Variants in RFX8 observed in about 807,000 individuals in gnomAD.
The protein encoded by RFX8 is regulatory factor X8.
A neutral mutation model predicts 54.6 loss-of-function variants in RFX8; 46 were observed. The observed-to-expected ratio is 0.84, with a 90% CI of 0.67 to 1.08. The LOEUF (loss-of-function observed/expected upper bound fraction) is 1.08. Among genes scored for constraint, RFX8 ranks in the 50% least tolerant of loss-of-function variants. The pLI is 0.00. For synonymous variants in RFX8, 192 were observed against 209.5 expected, an observed-to-expected ratio of 0.92 and a Z score of 0.72; for missense variants, 536 against 562.3, an observed-to-expected ratio of 0.95 and a Z score of 0.47.
chr2:101,408,413 G>C (rs1257428147), intron 9 of RFX8, among the ~76,000 whole-genome samples: 1 of 151,894 alleles, frequency 6.6e-6, no homozygotes, highest in Non-Finnish European at 1.5e-5. Context: ...TGAACCCTGG[G>C]GGCGGAGCCT....
chr2:101,412,945 C>G lies in RFX8; in HGVS notation c.688G>C (p.Asp230His). ...KALASDRSGA[D>H]ELENNPEMKC... ...ATCTCTGGGTTGTTCTCCAGTTCAT[C>G]TGCGCCACTCCGGTCACTTGCCAGG... Residue 230 changes from aspartate (D) to histidine (H), a missense_variant, in exon 8 of 12, where the codon GAT (aspartate) becomes CAT (histidine). Transcript: ENST00000428343. 1 of 1,551,476 alleles carries G rather than the reference C, an allele frequency of 6.4e-7. No homozygotes were observed. Among genetic ancestry groups the G allele is most frequent in the African/African-American group, 1.4e-5 (1 of 73,154 alleles).
chr2:101,407,631 G>T (rs1255597287), intron 9 of RFX8, among the ~76,000 whole-genome samples: 3 of 152,114 alleles, frequency 2.0e-5, no homozygotes, highest in Non-Finnish European at 2.9e-5. Flanking sequence ...GGCGGAGGTT[G>T]CAGTGAGCTG....
intron 5 of RFX8, 47 bp from the exon 6 acceptor site, chr2:101,417,731 T>A: frequency 1.3e-6 from 2 of 1,490,014 alleles, no homozygotes; most frequent in Non-Finnish European, 1.8e-6. Flanking sequence ...ATGGTGCAGG[T>A]GTGGCTGAAG....
intron 7 of RFX8, among the ~76,000 whole-genome samples, chr2:101,414,368 A>G (rs1317733943): frequency 6.6e-6 from 1 of 151,962 alleles, no homozygotes; most frequent in Non-Finnish European, 1.5e-5. Context: ...CCCAGGTTCA[A>G]GAGATTCTCC....
rs141942094 is a variant in RFX8, at chr2:101,405,791, G to A, written c.928+152C>T. On this transcript the variant is annotated intron_variant, in intron 10 of 11. Transcript: ENST00000428343. ...GACACTAAAAATAAAAATTACTATC[G>A]TGTTGTATGGTTTGCTGTATCTATG... Among the ~76,000 whole-genome samples the A allele has an allele frequency of 1.1e-3, 170 of 152,154 alleles. 2 individuals are homozygous for A. Among genetic ancestry groups the A allele is most frequent in the Middle Eastern group, 0.01 (3 of 294 alleles).
At chr2:101,407,686 C>A (rs1685820315) in intron 9 of RFX8, among the ~76,000 whole-genome samples, 1 of 151,582 alleles carries the variant, frequency 6.6e-6, no homozygotes, top group African/African-American at 2.4e-5. Flanking sequence ...AGCAAGACTC[C>A]ATCTCAATTA....
At chr2:101,469,002 ACG>A (rs375241808) in intron 1 of RFX8, among the ~76,000 whole-genome samples, 15 of 30,448 alleles carry the variant, frequency 4.9e-4, no homozygotes, top group South Asian at 2.7e-3. Flanking sequence ...GTATATATAT[ACG>A]TATATATATA....
At chr2:101,429,206 T>A (rs1687352108) in intron 2 of RFX8, among the ~76,000 whole-genome samples, 1 of 152,228 alleles carries the variant, frequency 6.6e-6, no homozygotes, top group South Asian at 2.1e-4. Context: ...TTCATTTCTG[T>A]AACTGGGACA....
At chr2:101,429,880 G>A (rs1428977329) in intron 2 of RFX8, among the ~76,000 whole-genome samples, 1 of 152,184 alleles carries the variant, frequency 6.6e-6, no homozygotes, top group East Asian at 1.9e-4. Context: ...CAGAGGGGAG[G>A]TAGAGGAAAA....
chr2:101,422,556 A>G, intron 2 of RFX8, 84 bp from the exon 3 acceptor site: 2 of 767,138 alleles, frequency 2.6e-6, no homozygotes, highest in East Asian at 2.7e-5. Context: ...TCACACTACT[A>G]TAAGTTAATA....
chr2:101,447,809 C>T (rs1426905436), intron 2 of RFX8, among the ~76,000 whole-genome samples: 1 of 152,158 alleles, frequency 6.6e-6, no homozygotes, highest in Non-Finnish European at 1.5e-5. Flanking sequence ...TCTACTCTTG[C>T]CTCCACAAGA....
At chr2:101,402,346 G>T in intron 11 of RFX8, 90 bp downstream of exon 11, 2 of 1,129,804 alleles carry the variant, frequency 1.8e-6, no homozygotes, top group Non-Finnish European at 2.5e-6. Flanking sequence ...ATCATTGTTT[G>T]GACAAAGTGA....
intron 2 of RFX8, among the ~76,000 whole-genome samples, chr2:101,446,679 CAG>C (rs1335718190): frequency 6.6e-6 from 1 of 152,096 alleles, no homozygotes; most frequent in East Asian, 1.9e-4. Flanking sequence ...CGGAAACAAA[CAG>C]AGTCCCCGGG....
chr2:101,417,644 A>G lies in RFX8; in HGVS notation c.392T>C (p.Val131Ala). The G allele has an allele frequency of 6.4e-7, 1 of 1,550,512 alleles. No individual in the cohort carries two copies. Among genetic ancestry groups the G allele is most frequent in the South Asian group, 1.2e-5 (1 of 83,680 alleles). The part of the protein sequence containing the change: ...DVLLHDFLED[V>A]SIQYLKSVQL... ...CACAGATTTCAGGTACTGAATAGAA[A>G]CATCTTCCAAGAAGTCATGAAGGAG... Residue 131 changes from valine (V) to alanine (A), a missense_variant, in exon 6 of 12, where the codon GTT becomes GCT. Coordinates refer to ENST00000428343, the MANE Select transcript of RFX8 (RefSeq NM_001145664.2).
intron 2 of RFX8, among the ~76,000 whole-genome samples, chr2:101,463,871 G>T (rs1320317168): frequency 6.6e-6 from 1 of 152,184 alleles, no homozygotes; most frequent in Non-Finnish European, 1.5e-5. Context: ...GAGGGGATGG[G>T]GAAACAGCTC....
At chr2:101,443,590 G>A (rs1159197152) in intron 2 of RFX8, among the ~76,000 whole-genome samples, 1 of 152,128 alleles carries the variant, frequency 6.6e-6, no homozygotes, top group Non-Finnish European at 1.5e-5. Flanking sequence ...GGATAGAAGA[G>A]CTCTGAAAGC....
At chr2:101,467,772 C>T (rs930591808) in intron 1 of RFX8, among the ~76,000 whole-genome samples, 4 of 151,932 alleles carry the variant, frequency 2.6e-5, no homozygotes, top group Non-Finnish European at 5.9e-5. Flanking sequence ...AGTATGTGAG[C>T]GTGGAGGTGA....
chr2:101,460,488 G>C (rs1316504728), intron 2 of RFX8, among the ~76,000 whole-genome samples: 1 of 152,142 alleles, frequency 6.6e-6, no homozygotes, highest in Non-Finnish European at 1.5e-5. Context: ...TTGTTAGAGA[G>C]CCATGACATT....
At chr2:101,421,900 C>T (rs924520917) in intron 3 of RFX8, 123 bp from the exon 4 acceptor site, 3 of 691,652 alleles carry the variant, frequency 4.3e-6, no homozygotes, top group East Asian at 2.8e-5. Flanking sequence ...ACAATAGCTG[C>T]GCTCTTCACT....
Sources: gnomAD v4.1 joint callset for allele counts (sites outside exome capture counted in the v4.1 genomes callset) on GRCh38, gnomAD v4.1.1 for gene constraint, MANE v1.5 for transcripts, NCBI Gene and HGNC (gene_info 2026-07-23, HGNC 2026-07-21) for gene names.